Variants in DEUP1 observed in about 807,000 individuals in gnomAD.
The protein encoded by DEUP1 is deuterosome assembly protein 1.
A neutral mutation model predicts 87.4 loss-of-function variants in DEUP1; 82 were observed. That is an observed-to-expected ratio of 0.94 (90% CI 0.78 to 1.13). DEUP1 has a LOEUF of 1.13. Among genes scored for constraint, DEUP1 ranks in the 50% most tolerant of loss-of-function variants. The pLI is 0.00. For missense variants in DEUP1, 663 were observed against 681.5 expected (o/e 0.97, Z 0.30); for synonymous variants, 214 against 222.7 (o/e 0.96, Z 0.35).
chr11:93,346,609 A>G (rs1944362084), intron 2 of DEUP1, among the ~76,000 whole-genome samples: 1 of 152,130 alleles, frequency 6.6e-6, no homozygotes, highest in Non-Finnish European at 1.5e-5. Context: ...CAGGAATAAC[A>G]TTGAATCTAT....
chr11:93,427,458 T>C (rs1250019455), intron 13 of DEUP1, among the ~76,000 whole-genome samples: 1 of 152,022 alleles, frequency 6.6e-6, no homozygotes, highest in Non-Finnish European at 1.5e-5. Context: ...TCCTTACACC[T>C]TATACAAAAA....
intron 7 of DEUP1, among the ~76,000 whole-genome samples, chr11:93,380,630 C>T (rs1402059458): frequency 2.0e-5 from 3 of 151,994 alleles, no homozygotes. Flanking sequence ...ATCTCAATCT[C>T]CTGACCTTGT....
At chr11:93,340,983 C>T (rs1041022427) in intron 2 of DEUP1, among the ~76,000 whole-genome samples, 1 of 152,162 alleles carries the variant, frequency 6.6e-6, no homozygotes, top group Admixed American at 6.5e-5. Context: ...TCTACAACAT[C>T]ATATCTGCCT....
At chr11:93,349,690 A>T (rs1944535121) in intron 2 of DEUP1, among the ~76,000 whole-genome samples, 1 of 152,192 alleles carries the variant, frequency 6.6e-6, no homozygotes, top group Admixed American at 6.5e-5. Context: ...TTAAGCATCT[A>T]GTATTTTTCA....
intron 13 of DEUP1, among the ~76,000 whole-genome samples, chr11:93,419,475 T>G (rs550115488): frequency 5.3e-4 from 80 of 152,254 alleles, no homozygotes; most frequent in Non-Finnish European, 9.7e-4. Flanking sequence ...CATGGCAGAT[T>G]AGCATTCAAA....
chr11:93,420,642 A>T (rs1947847160), intron 13 of DEUP1, among the ~76,000 whole-genome samples: 2 of 147,532 alleles, frequency 1.4e-5, no homozygotes, highest in Non-Finnish European at 3.0e-5. Flanking sequence ...TGCAGATGAC[A>T]TGATTGTATA....
chr11:93,358,958 C>T (rs1945030591), intron 4 of DEUP1, among the ~76,000 whole-genome samples: 1 of 152,094 alleles, frequency 6.6e-6, no homozygotes, highest in African/African-American at 2.4e-5. Context: ...GGGAATGCTA[C>T]ATTATTGTTG....
chr11:93,344,350 T>G (rs1188481654), intron 2 of DEUP1, among the ~76,000 whole-genome samples: 3 of 152,164 alleles, frequency 2.0e-5, no homozygotes, highest in African/African-American at 7.2e-5. Context: ...AATAAGTATG[T>G]AATATATTTT....
intron 7 of DEUP1, among the ~76,000 whole-genome samples, chr11:93,373,026 A>G (rs1056028551): frequency 6.6e-6 from 1 of 152,168 alleles, no homozygotes; most frequent in Non-Finnish European, 1.5e-5. Context: ...AGTATATGAC[A>G]ACTGGTCATG....
chr11:93,368,262 A>G (rs549546101), intron 5 of DEUP1, among the ~76,000 whole-genome samples: 5 of 152,358 alleles, frequency 3.3e-5, no homozygotes, highest in African/African-American at 1.2e-4. Context: ...TCAGGCTGCT[A>G]TAACTAAATA....
chr11:93,416,863 G>C (rs1452440324), intron 13 of DEUP1, among the ~76,000 whole-genome samples: 1 of 152,010 alleles, frequency 6.6e-6, no homozygotes, highest in Non-Finnish European at 1.5e-5. Flanking sequence ...TGGGATGCAA[G>C]GCTGGTTCAA....
intron 11 of DEUP1, among the ~76,000 whole-genome samples, chr11:93,399,659 A>G (rs949236104): frequency 6.6e-6 from 1 of 151,764 alleles, no homozygotes; most frequent in Non-Finnish European, 1.5e-5. Context: ...CCTTTTTTCA[A>G]TATCTTGGAA....
chr11:93,414,678 A>C (rs1340504752), intron 12 of DEUP1, among the ~76,000 whole-genome samples: 1 of 152,218 alleles, frequency 6.6e-6, no homozygotes, highest in Non-Finnish European at 1.5e-5. Flanking sequence ...ACTTTTCTCA[A>C]ACTGCTTTAC....
chr11:93,390,726 C>T (rs1193077081), intron 9 of DEUP1, among the ~76,000 whole-genome samples: 1 of 152,012 alleles, frequency 6.6e-6, no homozygotes, highest in East Asian at 1.9e-4. Flanking sequence ...TTTATAGACC[C>T]TTGGAGGCCA....
chr11:93,342,361 C>T (rs1289813381), intron 2 of DEUP1, among the ~76,000 whole-genome samples: 1 of 152,146 alleles, frequency 6.6e-6, no homozygotes, highest in Non-Finnish European at 1.5e-5. Flanking sequence ...AGTCATTGAC[C>T]AAAGTTGCTC....
intron 11 of DEUP1, among the ~76,000 whole-genome samples, chr11:93,404,677 G>A (rs1591234339): frequency 6.6e-6 from 1 of 152,072 alleles, no homozygotes; most frequent in South Asian, 2.1e-4. Context: ...ATCCTAATCT[G>A]TTGAAGTAAA....
intron 13 of DEUP1, among the ~76,000 whole-genome samples, chr11:93,430,317 GA>G (rs1183084393): frequency 1.3e-5 from 2 of 149,496 alleles, no homozygotes; most frequent in Non-Finnish European, 3.0e-5. Flanking sequence ...GTAGTATGGT[GA>G]AAAAAAAAGA....
At chr11:93,361,727 A>T (rs1945185894) in intron 4 of DEUP1, among the ~76,000 whole-genome samples, 1 of 152,118 alleles carries the variant, frequency 6.6e-6, no homozygotes, top group African/African-American at 2.4e-5. Context: ...TAGAGAAACC[A>T]AAAGCTAGAG....
intron 2 of DEUP1, among the ~76,000 whole-genome samples, chr11:93,336,413 C>T (rs577089800): frequency 5.9e-5 from 9 of 152,254 alleles, no homozygotes; most frequent in African/African-American, 1.4e-4. Context: ...ACCATATCAG[C>T]GGGCTTATTG....
Sources: gnomAD v4.1 joint callset for allele counts (sites outside exome capture counted in the v4.1 genomes callset) on GRCh38, gnomAD v4.1.1 for gene constraint, MANE v1.5 for transcripts, NCBI Gene and HGNC (gene_info 2026-07-23, HGNC 2026-07-21) for gene names.